NEGR1: variants seen among roughly 807,000 people sequenced by gnomAD.
NEGR1 encodes the protein neuronal growth regulator 1, also known as IgLON family member 4.
A neutral mutation model predicts 40.9 loss-of-function variants in NEGR1; 10 were observed. The observed-to-expected ratio is 0.24, with a 90% CI of 0.15 to 0.42. The LOEUF (loss-of-function observed/expected upper bound fraction) is 0.42. NEGR1 is among the 10% of genes least tolerant of loss of function. The pLI is 1.00. For missense variants in NEGR1, 352 were observed against 438.9 expected (o/e 0.80, Z 1.77); for synonymous variants, 185 against 166.8 (o/e 1.11, Z -0.84).
chr1:71,613,749 T>C (rs1372681415), intron 4 of NEGR1, among the ~76,000 whole-genome samples: 2 of 152,074 alleles, frequency 1.3e-5, no homozygotes, highest in Middle Eastern at 3.2e-3. Flanking sequence ...GTTTTTAACA[T>C]ACTATAATTC....
chr1:71,568,810 G>C (rs147493767), intron 6 of NEGR1, among the ~76,000 whole-genome samples: 2 of 137,432 alleles, frequency 1.5e-5, no homozygotes, highest in Admixed American at 7.7e-5. Context: ...GTATGTGTGT[G>C]TATGTGTATA....
chr1:71,835,267 A>G (rs1019030490), intron 2 of NEGR1, among the ~76,000 whole-genome samples: 1 of 152,148 alleles, frequency 6.6e-6, no homozygotes, highest in South Asian at 2.1e-4. Flanking sequence ...TGGTGAAAGC[A>G]AGTCACAAGG....
intron 1 of NEGR1, among the ~76,000 whole-genome samples, chr1:72,126,820 A>C (rs1261212233): frequency 1.3e-5 from 2 of 152,212 alleles, no homozygotes. Flanking sequence ...AGATGATCCC[A>C]AAAGGCCCAG....
intron 4 of NEGR1, among the ~76,000 whole-genome samples, chr1:71,685,035 T>G (rs983929716): frequency 6.6e-6 from 1 of 152,226 alleles, no homozygotes; most frequent in African/African-American, 2.4e-5. Context: ...GTTTATTATA[T>G]CGGTATATAA....
intron 1 of NEGR1, among the ~76,000 whole-genome samples, chr1:72,207,445 G>T (rs1275683793): frequency 6.6e-6 from 1 of 151,754 alleles, no homozygotes; most frequent in East Asian, 1.9e-4. Context: ...TAGAAAGAAT[G>T]GAGAAAAATT....
At chr1:71,796,898 A>G (rs1424311857) in intron 2 of NEGR1, among the ~76,000 whole-genome samples, 1 of 152,152 alleles carries the variant, frequency 6.6e-6, no homozygotes, top group African/African-American at 2.4e-5. Flanking sequence ...TAAAAGTTGT[A>G]GGTTTTATAT....
intron 1 of NEGR1, among the ~76,000 whole-genome samples, chr1:72,010,747 T>C (rs1271563267): frequency 6.6e-6 from 1 of 152,044 alleles, no homozygotes; most frequent in Non-Finnish European, 1.5e-5. Context: ...TGTATAAGCG[T>C]AGGAAGATGT....
intron 1 of NEGR1, among the ~76,000 whole-genome samples, chr1:72,118,686 C>G (rs901980160): frequency 6.6e-6 from 1 of 151,798 alleles, no homozygotes; most frequent in Non-Finnish European, 1.5e-5. Flanking sequence ...TTTAAGTACC[C>G]AGTTTCCTAA....
At chr1:71,915,624 C>G (rs961377228) in intron 2 of NEGR1, among the ~76,000 whole-genome samples, 1 of 152,060 alleles carries the variant, frequency 6.6e-6, no homozygotes, top group Non-Finnish European at 1.5e-5. Flanking sequence ...GACTAAGGGT[C>G]TCAAACTTGG....
At chr1:72,248,596 AT>A (rs1303783575) in intron 1 of NEGR1, among the ~76,000 whole-genome samples, 1 of 143,718 alleles carries the variant, frequency 7.0e-6, no homozygotes, top group African/African-American at 2.6e-5. Flanking sequence ...TATTATTATT[AT>A]TATTATTATT....
At chr1:71,480,757 T>C (rs1646849191) in intron 6 of NEGR1, among the ~76,000 whole-genome samples, 1 of 151,898 alleles carries the variant, frequency 6.6e-6, no homozygotes, top group East Asian at 1.9e-4. Flanking sequence ...ATAACTTATT[T>C]TACAAATCTT....
At chr1:72,217,375 T>C (rs892875285) in intron 1 of NEGR1, among the ~76,000 whole-genome samples, 1 of 151,920 alleles carries the variant, frequency 6.6e-6, no homozygotes, top group African/African-American at 2.4e-5. Context: ...TTTTATAATA[T>C]ATCAATGTTA....
At chr1:72,035,426 A>G (rs1254759359) in intron 1 of NEGR1, among the ~76,000 whole-genome samples, 1 of 152,196 alleles carries the variant, frequency 6.6e-6, no homozygotes, top group Non-Finnish European at 1.5e-5. Flanking sequence ...TGACTTAAGT[A>G]TCACTTCCCT....
At chr1:72,050,683 A>C (rs1283017195) in intron 1 of NEGR1, among the ~76,000 whole-genome samples, 2 of 151,516 alleles carry the variant, frequency 1.3e-5, no homozygotes, top group Non-Finnish European at 1.5e-5. Flanking sequence ...TGGCATTCAC[A>C]ACCTTGTATA....
At chr1:71,970,265 C>A (rs149382893) in intron 1 of NEGR1, among the ~76,000 whole-genome samples, 1 of 151,972 alleles carries the variant, frequency 6.6e-6, no homozygotes, top group Admixed American at 6.6e-5. Context: ...GAGCTGGAGA[C>A]GCAAGGAAGG....
intron 1 of NEGR1, among the ~76,000 whole-genome samples, chr1:72,098,660 G>C (rs1368737953): frequency 6.6e-6 from 1 of 152,018 alleles, no homozygotes. Flanking sequence ...TTCCTATTTT[G>C]AGTATCTACA....
intron 1 of NEGR1, among the ~76,000 whole-genome samples, chr1:72,267,936 T>C (rs1377986188): frequency 6.6e-6 from 1 of 151,030 alleles, no homozygotes; most frequent in Non-Finnish European, 1.5e-5. Flanking sequence ...GGAAAATCCA[T>C]GTATAAAAGT....
chr1:71,823,906 T>C (rs1658525299), intron 2 of NEGR1, among the ~76,000 whole-genome samples: 1 of 152,066 alleles, frequency 6.6e-6, no homozygotes, highest in African/African-American at 2.4e-5. Context: ...ATTTTTTACA[T>C]GCAGGTGGTG....
rs141059152 is a variant in NEGR1 at position 72,201,514 on chromosome 1, G to A, written c.176+80805C>T. ...CATGCTTGTACTCTTAACAATGCAC[G>A]TAACTCAAGTAAAATGAGAAAAATA... On this transcript the variant is annotated intron_variant, in intron 1 of 6. Coordinates refer to ENST00000357731, the MANE Select transcript of NEGR1 (RefSeq NM_173808.3). Among the ~76,000 whole-genome samples the A allele has an allele frequency of 1.2e-4, 18 of 151,864 alleles. No individual in the cohort carries two copies. The East Asian group carries it at 2.9e-3, about 25-fold the overall frequency.
Sources: gnomAD v4.1 joint callset for allele counts (sites outside exome capture counted in the v4.1 genomes callset) on GRCh38, gnomAD v4.1.1 for gene constraint, MANE v1.5 for transcripts, NCBI Gene and HGNC (gene_info 2026-07-23, HGNC 2026-07-21) for gene names.